Variants in TPH2 observed in about 807,000 individuals in gnomAD.
TPH2 encodes the protein tryptophan hydroxylase 2, also known as tryptophan 5-hydroxylase 2.
In TPH2, 27 loss-of-function variants were observed where a neutral mutation model predicts 59.1. The observed-to-expected ratio is 0.46, with a 90% CI of 0.34 to 0.63. The LOEUF (loss-of-function observed/expected upper bound fraction) is 0.63, where lower values mean the gene tolerates loss of function less well. Among genes scored for constraint, TPH2 ranks in the 30% least tolerant of loss-of-function variants. TPH2 has a pLI of 0.01. For missense variants in TPH2, 523 were observed against 588.3 expected (o/e 0.89, Z 1.15); for synonymous variants, 220 against 210.5 (o/e 1.05, Z -0.39).
chr12:72,025,011 C>A (rs61924278), intron 9 of TPH2, among the ~76,000 whole-genome samples: 2 of 152,102 alleles, frequency 1.3e-5, no homozygotes, highest in African/African-American at 2.4e-5. Context: ...ACACAAGATG[C>A]TTTCCCTAGC....
At chr12:72,009,847 T>C (rs893231412) in intron 8 of TPH2, among the ~76,000 whole-genome samples, 1 of 152,296 alleles carries the variant, frequency 6.6e-6, no homozygotes, top group Non-Finnish European at 1.5e-5. Context: ...TGGGGGCCTG[T>C]AATGTTCAGT....
intron 1 of TPH2, 54 bp from the exon 2 acceptor site, chr12:71,941,530 G>T (rs1045009445): frequency 6.0e-5 from 95 of 1,580,494 alleles, no homozygotes; most frequent in Non-Finnish European, 8.1e-5. Flanking sequence ...AATTACGGAG[G>T]ATTCTGGAAC....
rs555380098 is a variant in TPH2, at chr12:72,023,692, G to T, written c.1164+1198G>T. On this transcript the variant is annotated intron_variant, in intron 9 of 10. Coordinates refer to ENST00000333850, the MANE Select transcript of TPH2 (RefSeq NM_173353.4). ...AAAAATGCAAAAATTAGCTAGGCAT[G>T]ATGGCGGGTACCTGTAATCCCAGCT... 1.5e-3 allele frequency among the ~76,000 whole-genome samples: 223 copies of T among 151,950 alleles called. 1 individual carries two copies. The highest frequency in any genetic ancestry group is 2.2e-3 in the Non-Finnish European group (148 of 67,946).
intron 7 of TPH2, among the ~76,000 whole-genome samples, chr12:71,985,190 G>T (rs906807861): frequency 6.6e-6 from 1 of 152,170 alleles, no homozygotes; most frequent in South Asian, 2.1e-4. Flanking sequence ...ATTGCCCAAG[G>T]TAACACAGCT....
intron 7 of TPH2, 46 bp from the exon 8 acceptor site, chr12:71,994,393 T>C: frequency 6.2e-7 from 1 of 1,611,760 alleles, no homozygotes; most frequent in Non-Finnish European, 8.5e-7. Flanking sequence ...CAGTGGTAAT[T>C]TAAAGCTTCT....
intron 5 of TPH2, chr12:71,962,334 C>T: frequency 2.0e-6 from 2 of 985,400 alleles, no homozygotes; most frequent in South Asian, 4.7e-5. Context: ...CAATGTTCAG[C>T]CAAGGAAACA....
At chr12:71,967,314 A>T (rs1188610846) in intron 5 of TPH2, among the ~76,000 whole-genome samples, 1 of 152,194 alleles carries the variant, frequency 6.6e-6, no homozygotes, top group Non-Finnish European at 1.5e-5. Flanking sequence ...AGGCAGACAG[A>T]TGCCTCCCAC....
chr12:72,012,473 C>T (rs1267922222), intron 8 of TPH2, among the ~76,000 whole-genome samples: 1 of 152,200 alleles, frequency 6.6e-6, no homozygotes, highest in Non-Finnish European at 1.5e-5. Flanking sequence ...GCCACTAGTT[C>T]CCCATGGGGT....
chr12:72,032,141 G>T lies in TPH2; in HGVS notation c.*446G>T. On this transcript the variant is annotated 3_prime_UTR_variant, in exon 11 of 11. Coordinates refer to ENST00000333850, the MANE Select transcript of TPH2 (RefSeq NM_173353.4). ...TCACGCATTATTTGAGATAAACCCA[G>T]AATTGTAGGAAACTTCCCATCACAA... 5.4e-6 allele frequency: 1 copy of T among 185,454 alleles called. No individual in the cohort carries two copies. The highest frequency in any genetic ancestry group is 1.1e-5 in the Non-Finnish European group (1 of 87,196). 11.5% of individuals were successfully genotyped at this position (185,454 alleles called of 1,614,324 possible).
intron 7 of TPH2, among the ~76,000 whole-genome samples, chr12:71,986,338 A>G (rs1872433317): frequency 6.6e-6 from 1 of 152,190 alleles, no homozygotes; most frequent in South Asian, 2.1e-4. Flanking sequence ...CTTAGTTACA[A>G]GGCCACGTTC....
chr12:71,984,874 T>C (rs571550859), intron 7 of TPH2, among the ~76,000 whole-genome samples: 1 of 152,340 alleles, frequency 6.6e-6, no homozygotes, highest in South Asian at 2.1e-4. Context: ...AAGTCCGGTT[T>C]GGGCTATACC....
chr12:71,944,581 A>G lies in TPH2; in HGVS notation c.440-5A>G, dbSNP rs761153336. ...ATATTTTTGAACCTGCACTGTTTTC[A>G]ACAGAGCTAGAGGATGTGCCCTGGT... On this transcript the variant is annotated splice_polypyrimidine_tract_variant and splice_region_variant and intron_variant, in intron 3 of 10. Transcript: ENST00000333850. 7 of 1,613,896 alleles carry G rather than the reference A, an allele frequency of 4.3e-6. No individual in the cohort carries two copies. In the South Asian group the frequency reaches 7.7e-5, roughly 18 times the overall value.
chr12:71,941,001 G>T lies in TPH2; in HGVS notation c.106-583G>T, dbSNP rs1045444634. ...GATGGCCTTAGAGTTAGTTATACAT[G>T]TGTCTGTGCTGAACTTTTGCAGGCA... On this transcript the variant is annotated intron_variant, in intron 1 of 10. Transcript: ENST00000333850. Among the ~76,000 whole-genome samples, 58 of 152,176 alleles carry T rather than the reference G, an allele frequency of 3.8e-4. 1 individual carries two copies. Among genetic ancestry groups the T allele is most frequent in the South Asian group, 2.1e-4 (1 of 4,820 alleles).
At chr12:72,007,575 T>C (rs970033927) in intron 8 of TPH2, among the ~76,000 whole-genome samples, 6 of 152,166 alleles carry the variant, frequency 3.9e-5, no homozygotes, top group African/African-American at 9.6e-5. Context: ...TTCTGAAAGA[T>C]GTTGTTTGCT....
In TPH2 at chr12:71,972,505, T is replaced by C. The variant is rs532526928; in HGVS notation, c.609-14T>C. ...TCAAAGTTAGATTCATTTAGTTTCT[T>C]CTCTCCTGCCTAGTGGTCAGCCCAT... On this transcript the variant is annotated splice_polypyrimidine_tract_variant and intron_variant, in intron 5 of 10. Transcript: ENST00000333850. 6.2e-7 allele frequency: 1 copy of C among 1,613,848 alleles called. No homozygotes were observed. The highest frequency in any genetic ancestry group is 8.5e-7 in the Non-Finnish European group (1 of 1,179,716).
chr12:71,969,330 C>A (rs1871908604), intron 5 of TPH2, among the ~76,000 whole-genome samples: 1 of 152,070 alleles, frequency 6.6e-6, no homozygotes, highest in East Asian at 1.9e-4. Flanking sequence ...ATATCGAAGG[C>A]CTTGAAAAGA....
At chr12:71,958,110 G>A (rs924923818) in intron 5 of TPH2, among the ~76,000 whole-genome samples, 1 of 152,128 alleles carries the variant, frequency 6.6e-6, no homozygotes, top group African/African-American at 2.4e-5. Context: ...CTTACTAAAG[G>A]TTACACAGCT....
At chr12:72,028,286 A>C (rs376043414) in intron 9 of TPH2, among the ~76,000 whole-genome samples, 26 of 152,210 alleles carry the variant, frequency 1.7e-4, no homozygotes, top group African/African-American at 5.5e-4. Context: ...CCCTGGGGAC[A>C]TCAAGTAGTT....
intron 9 of TPH2, among the ~76,000 whole-genome samples, chr12:72,030,572 C>A (rs954762930): frequency 2.0e-5 from 3 of 152,150 alleles, no homozygotes; most frequent in Admixed American, 2.0e-4. Flanking sequence ...AGTAATTACG[C>A]CAGCTTTCCT....
Sources: allele counts gnomAD v4.1 joint callset (sites outside exome capture counted in the v4.1 genomes callset), GRCh38; gene constraint gnomAD v4.1.1; transcripts MANE v1.5; gene names NCBI Gene and HGNC (gene_info 2026-07-23, HGNC 2026-07-21).